PIEZO1: variants seen among roughly 807,000 people sequenced by gnomAD.
PIEZO1 encodes piezo-type mechanosensitive ion channel component 1.
In PIEZO1, 296 loss-of-function variants were observed where a neutral mutation model predicts 297.2. The ratio of observed to expected loss-of-function variants is 1.00; its 90% CI spans 0.91 to 1.10. The LOEUF (loss-of-function observed/expected upper bound fraction) is 1.10, where lower values mean the gene tolerates loss of function less well. Ranked by LOEUF, PIEZO1 falls within the 50% of genes least tolerant of loss-of-function variation. The probability of loss-of-function intolerance (pLI) is 0.00; values close to 1 mark genes in which losing one functional copy is unlikely to be tolerated. For missense variants in PIEZO1, 5,018 were observed against 3,455.5 expected, an observed-to-expected ratio of 1.45 and a Z score of -11.34; for synonymous variants, 2,427 against 1,507.5, an observed-to-expected ratio of 1.61 and a Z score of -14.13.
intron 22 of PIEZO1, 198 bp downstream of exon 22, chr16:88,731,508 G>A (rs996767636): frequency 6.8e-6 from 4 of 588,018 alleles, no homozygotes; most frequent in African/African-American, 1.9e-5. Context: ...AGCAGAGCCT[G>A]GAGGGGGCCA....
Position 88,722,952 on chromosome 16 carries a change from C to T in PIEZO1, c.4553G>A (p.Gly1518Glu). 1 of 1,549,332 alleles carries T rather than the reference C, an allele frequency of 6.5e-7. No individual in the cohort carries two copies. The highest frequency in any genetic ancestry group is 8.7e-7 in the Non-Finnish European group (1 of 1,146,792). The change falls in exon 34 of 51, where the codon GGG becomes GAG. Residue 1518 changes from glycine (G) to glutamate (E), a missense_variant. Gly to Glu is a moderately conservative substitution (Grantham distance 98). Transcript: ENST00000301015. ...LSTAQFLWML[G>E]QALVDELTRW... ...TGTCAGCTCATCCACTAGCGCCTGC[C>T]CCAGCATCCACAGGAACTGCGCCGT... is the stretch of plus-strand genomic sequence containing the variant.
At chr16:88,728,083 G>C (rs947923839) in intron 22 of PIEZO1, among the ~76,000 whole-genome samples, 1 of 152,260 alleles carries the variant, frequency 6.6e-6, no homozygotes, top group East Asian at 1.9e-4. Flanking sequence ...ACGTGGGACC[G>C]GGATCCATGC....
chr16:88,744,673 C>A (rs1267485887), intron 2 of PIEZO1, among the ~76,000 whole-genome samples: 1 of 151,554 alleles, frequency 6.6e-6, no homozygotes, highest in East Asian at 1.9e-4. Context: ...TGCCTCCTTC[C>A]CGGTTCAGTT....
At chr16:88,778,516 G>A (rs1352306390) in intron 1 of PIEZO1, among the ~76,000 whole-genome samples, 6 of 152,138 alleles carry the variant, frequency 3.9e-5, no homozygotes, top group South Asian at 2.1e-4. Flanking sequence ...CACCCCACTC[G>A]GCAAAGGTTC....
chr16:88,754,051 C>T (rs1278443649), intron 1 of PIEZO1, among the ~76,000 whole-genome samples: 1 of 152,198 alleles, frequency 6.6e-6, no homozygotes, highest in Non-Finnish European at 1.5e-5. Flanking sequence ...GAGTCAGCTG[C>T]AATGGGATGG....
chr16:88,737,294 C>A (rs1213684241), intron 10 of PIEZO1: 7 of 430,884 alleles, frequency 1.6e-5, no homozygotes, highest in Non-Finnish European at 2.5e-5. Context: ...GACCTGGAGG[C>A]CCCCCATGGG....
chr16:88,726,674 G>A (rs751697088), intron 25 of PIEZO1, 31 bp from the exon 26 acceptor site: 102 of 1,546,830 alleles, frequency 6.6e-5, no homozygotes, highest in South Asian at 1.4e-4. Context: ...CGGGGCCAGC[G>A]GGGCCCCAGG....
At chr16:88,719,075 T>G (rs1257798411) in intron 44 of PIEZO1, 1 of 158,166 alleles carries the variant, frequency 6.3e-6, no homozygotes, top group East Asian at 1.9e-4. Flanking sequence ...CTTGAACTCC[T>G]GGCCTTGAGC....
Position 88,738,048 on chromosome 16 carries a change from C to T in PIEZO1, c.906G>A (p.Leu302=). 1.3e-6 allele frequency: 2 copies of T among 1,535,804 alleles called. No individual in the cohort carries two copies. Among genetic ancestry groups the T allele is most frequent in the South Asian group, 1.2e-5 (1 of 84,062 alleles). ...GCCAGTCCAGGCCGGTGTTGAGGAC[C>T]AGCGCGTGGGGGCTGGAGCAGTTGG... ...GPTNCSSPHA[L]VLNTGLDWPV... The change falls in exon 8 of 51, where the codon CTG becomes CTA. Residue 302 remains leucine (L), a synonymous_variant. Transcript: ENST00000301015.
At chr16:88,753,139 GC>G (rs1240382708) in intron 1 of PIEZO1, among the ~76,000 whole-genome samples, 22 of 64,306 alleles carry the variant, frequency 3.4e-4, no homozygotes, top group African/African-American at 1.1e-3. Context: ...GAGCACCCCT[GC>G]CCCCCCAGAG....
intron 22 of PIEZO1, among the ~76,000 whole-genome samples, chr16:88,730,470 T>C (rs1429178779): frequency 2.0e-5 from 3 of 151,892 alleles, no homozygotes; most frequent in African/African-American, 4.8e-5. Flanking sequence ...TGGTGGTGCT[T>C]GCCTGTAATC....
In PIEZO1 at chr16:88,723,022, G is replaced by A. The variant is rs543403418; in HGVS notation, c.4496-13C>T. The A allele has an allele frequency of 1.2e-4, 183 of 1,543,640 alleles. 1 individual carries two copies. In the African/African-American group the frequency reaches 2.2e-3, roughly 19 times the overall value. ...ACATGGCTCCGGCCTGCGGGAGGGC[G>A]GGAGGGGGCGCTGGAGGGGCAGCCT... On this transcript the variant is annotated splice_polypyrimidine_tract_variant and intron_variant, in intron 33 of 50. Coordinates refer to ENST00000301015, the MANE Select transcript of PIEZO1 (RefSeq NM_001142864.4).
intron 39 of PIEZO1, 76 bp from the exon 40 acceptor site, chr16:88,720,824 G>A (rs1912387031): frequency 1.4e-6 from 2 of 1,401,796 alleles, no homozygotes; most frequent in East Asian, 2.5e-5. Flanking sequence ...CACCCTAAGA[G>A]GCTGGCATTC....
intron 22 of PIEZO1, among the ~76,000 whole-genome samples, chr16:88,729,880 A>G (rs980173662): frequency 3.3e-5 from 5 of 151,752 alleles, no homozygotes; most frequent in Non-Finnish European, 7.4e-5. Flanking sequence ...CTGAACCCAC[A>G]GCCCCATCTG....
In PIEZO1 at chr16:88,731,806, C is replaced by A. The variant is rs1251424482; in HGVS notation, c.3096G>T (p.Gln1032His). 6 of 1,541,826 alleles carry A rather than the reference C, an allele frequency of 3.9e-6. No individual in the cohort carries two copies. The highest frequency in any genetic ancestry group is 5.3e-6 in the Non-Finnish European group (6 of 1,142,758). Residue 1032 changes from glutamine (Q) to histidine (H), a missense_variant, in exon 22 of 51, where the codon CAG (glutamine) becomes CAT (histidine). By Grantham distance (24) the Gln-to-His change is conservative. Coordinates refer to ENST00000301015, the MANE Select transcript of PIEZO1 (RefSeq NM_001142864.4). ...LVAILTRRHRQAIARLWPNYC... is the reference protein window; with the variant it reads ...LVAILTRRHRHAIARLWPNYC... ...AGTTGGGCCAGAGGCGGGCAATGGC[C>A]TGGCGGTGCCTGCGGGTGAGGATGG...
At chr16:88,774,814 G>A (rs945080810) in intron 1 of PIEZO1, among the ~76,000 whole-genome samples, 3 of 152,292 alleles carry the variant, frequency 2.0e-5, no homozygotes, top group Admixed American at 1.3e-4. Context: ...AGGAGCGAAC[G>A]GTGCCCACAT....
chr16:88,723,251 C>G lies in PIEZO1; in HGVS notation c.4413G>C (p.Gln1471His), dbSNP rs1218421548. 1.3e-6 allele frequency: 2 copies of G among 1,535,136 alleles called. No homozygotes were observed. The highest frequency in any genetic ancestry group is 1.8e-6 in the Non-Finnish European group (2 of 1,139,224). Residue 1471 changes from glutamine (Q) to histidine (H), a missense_variant, in exon 32 of 51, where the codon CAG (glutamine) becomes CAC (histidine). Gln to His is a conservative substitution (Grantham distance 24). Coordinates refer to ENST00000301015, the MANE Select transcript of PIEZO1 (RefSeq NM_001142864.4). ...CTGTGGGTAGCTGTCCTGCCTGTTCCTGCCTTGCCTGCTCCTGCTCCTGCT... is the reference window on the plus strand; with the variant it reads ...CTGTGGGTAGCTGTCCTGCCTGTTCGTGCCTTGCCTGCTCCTGCTCCTGCT... ...RRQQEQEQAR[Q>H]EQAGQLPTGG...
In PIEZO1 at chr16:88,732,724, G is replaced by T; in HGVS notation, c.2673C>A (p.Pro891=). 1 of 1,547,008 alleles carries T rather than the reference G, an allele frequency of 6.5e-7. No homozygotes were observed. The highest frequency in any genetic ancestry group is 8.7e-7 in the Non-Finnish European group (1 of 1,145,012). Residue 891 remains proline (P), a synonymous_variant, in exon 20 of 51, where the codon CCC becomes CCA. Transcript: ENST00000301015. The part of the protein sequence containing the change: ...EYSSNCTEPF[P]NSTNLLPTEI... ...CCGTGGGCAGCAAGTTGGTGCTGTTGGGGAAGGGCTGGCAAGAGGCCAGGC... is the reference window on the plus strand; with the variant it reads ...CCGTGGGCAGCAAGTTGGTGCTGTTTGGGAAGGGCTGGCAAGAGGCCAGGC...
At chr16:88,780,976 G>C (rs1428294834) in intron 1 of PIEZO1, among the ~76,000 whole-genome samples, 2 of 152,160 alleles carry the variant, frequency 1.3e-5, no homozygotes, top group East Asian at 1.9e-4. Context: ...AGAGAAAAAA[G>C]CCTAACTGTC....
Sources: allele counts gnomAD v4.1 joint callset (sites outside exome capture counted in the v4.1 genomes callset), GRCh38; gene constraint gnomAD v4.1.1; transcripts MANE v1.5; gene names NCBI Gene and HGNC (gene_info 2026-07-23, HGNC 2026-07-21).